The following EYA4 variants were observed in gnomAD, a reference collection of about 807,000 sequenced individuals.
The protein encoded by EYA4 is EYA transcriptional coactivator and phosphatase 4, also known as protein phosphatase EYA4.
Under a neutral mutation model 87.9 loss-of-function variants are expected in EYA4, and 31 were observed. The observed-to-expected ratio is 0.35, with a 90% confidence interval of 0.27 to 0.48. The LOEUF (loss-of-function observed/expected upper bound fraction) is 0.48. Ranked by LOEUF, EYA4 falls within the 20% of genes least tolerant of loss-of-function variation. EYA4 has a pLI of 0.99. For missense variants in EYA4, 678 were observed against 761.4 expected (o/e 0.89, Z 1.29); for synonymous variants, 263 against 270.6 (o/e 0.97, Z 0.28).
In EYA4 at chr6:133,376,321, A is replaced by G. The variant is rs568002921; in HGVS notation, c.34-6071A>G. Among the ~76,000 whole-genome samples the G allele has an allele frequency of 2.6e-5, 4 of 151,958 alleles. No individual in the cohort carries two copies. In the South Asian group the frequency reaches 8.3e-4, roughly 31 times the overall value. On this transcript the variant is annotated intron_variant, in intron 2 of 19. Transcript: ENST00000355286. ...TATATATTAATAAATTATTTATTACATAAACTTTCATTTGTGAAATTTTAA... is the reference window on the plus strand; with the variant it reads ...TATATATTAATAAATTATTTATTACGTAAACTTTCATTTGTGAAATTTTAA...
At chr6:133,515,472 T>C (rs761077119) in intron 17 of EYA4, 37 bp downstream of exon 17, 2 of 1,178,222 alleles carry the variant, frequency 1.7e-6, no homozygotes, top group Admixed American at 1.7e-5. Context: ...TGTATCGTAT[T>C]GAAGATTTAG....
intron 13 of EYA4, among the ~76,000 whole-genome samples, chr6:133,500,693 G>T (rs532299121): frequency 6.6e-6 from 1 of 152,060 alleles, no homozygotes; most frequent in Non-Finnish European, 1.5e-5. Context: ...CCCTGGTTCC[G>T]TGCTCCCTCA....
chr6:133,419,444 A>G (rs1022514852), intron 3 of EYA4, among the ~76,000 whole-genome samples: 1 of 152,190 alleles, frequency 6.6e-6, no homozygotes, highest in South Asian at 2.1e-4. Context: ...CATGATATAC[A>G]GCCTTTATGA....
intron 2 of EYA4, among the ~76,000 whole-genome samples, chr6:133,375,970 A>G (rs1785645445): frequency 6.6e-6 from 1 of 151,818 alleles, no homozygotes; most frequent in Admixed American, 6.6e-5. Flanking sequence ...GCATTCATAT[A>G]AGACTCTAGG....
chr6:133,424,287 C>A (rs1790458624), intron 3 of EYA4, among the ~76,000 whole-genome samples: 1 of 152,168 alleles, frequency 6.6e-6, no homozygotes, highest in Non-Finnish European at 1.5e-5. Context: ...CCAGAAGAGG[C>A]ACCAAGACTC....
Position 133,489,449 on chromosome 6 carries a change from G to A in EYA4, c.1191+6334G>A, listed in dbSNP as rs1230686017. On this transcript the variant is annotated intron_variant, in intron 13 of 19. Transcript: ENST00000355286. ...TTAACCCAAAAAAGACTATCTCAAA[G>A]CATTTGATAATCAAACCTCAAAGCC... Among the ~76,000 whole-genome samples the A allele has an allele frequency of 2.6e-5, 4 of 151,894 alleles. 1 individual carries two copies. Among genetic ancestry groups the A allele is most frequent in the African/African-American group, 9.7e-5 (4 of 41,348 alleles).
At chr6:133,358,871 A>C (rs999936741) in intron 2 of EYA4, among the ~76,000 whole-genome samples, 1 of 152,178 alleles carries the variant, frequency 6.6e-6, no homozygotes, top group Non-Finnish European at 1.5e-5. Flanking sequence ...GAAGAAACAG[A>C]GGGGAAAAAC....
chr6:133,328,539 A>C (rs1026126221), intron 2 of EYA4, among the ~76,000 whole-genome samples: 1 of 152,154 alleles, frequency 6.6e-6, no homozygotes, highest in Non-Finnish European at 1.5e-5. Flanking sequence ...AAATAACCTG[A>C]TTGATTTTAG....
intron 5 of EYA4, 119 bp from the exon 6 acceptor site, chr6:133,456,437 C>T: frequency 1.3e-6 from 1 of 782,320 alleles, no homozygotes; most frequent in Non-Finnish European, 2.3e-6. Flanking sequence ...CTCTCTTCAT[C>T]AACTTCTCAG....
At chr6:133,439,832 A>G (rs1792090466) in intron 3 of EYA4, among the ~76,000 whole-genome samples, 1 of 152,228 alleles carries the variant, frequency 6.6e-6, no homozygotes, top group African/African-American at 2.4e-5. Flanking sequence ...CATTGTTAGC[A>G]AAGAGTATCT....
chr6:133,480,177 T>C (rs530273518), intron 11 of EYA4, among the ~76,000 whole-genome samples: 1 of 152,274 alleles, frequency 6.6e-6, no homozygotes, highest in South Asian at 2.1e-4. Flanking sequence ...CAGGAGTCCA[T>C]GTTTTCTAGA....
At chr6:133,483,194 A>ATTCT in intron 13 of EYA4, 79 bp downstream of exon 13, 1 of 1,084,520 alleles carries the variant, frequency 9.2e-7, no homozygotes, top group Non-Finnish European at 1.4e-6. Context: ...CTATTTAAAA[A>ATTCT]TTCTTTTAAG....
At chr6:133,515,207 T>A in intron 16 of EYA4, 114 bp from the exon 17 acceptor site, 2 of 734,430 alleles carry the variant, frequency 2.7e-6, no homozygotes, top group Non-Finnish European at 5.0e-6. Context: ...TCTCTCTGCA[T>A]TTCTGATATA....
chr6:133,522,221 G>A lies in EYA4; in HGVS notation c.1617-835G>A, dbSNP rs536203260. 5.2e-3 allele frequency among the ~76,000 whole-genome samples: 720 copies of A among 138,044 alleles called. 4 individuals carry two copies. The highest frequency in any genetic ancestry group is 0.018 in the African/African-American group (678 of 37,612). 90.6% of individuals were successfully genotyped at this position (138,044 alleles called of 152,430 possible). A position where few individuals can be genotyped will look rare whatever the true frequency, so the allele number is the denominator to read the frequency against. On this transcript the variant is annotated intron_variant, in intron 17 of 19. Transcript: ENST00000355286. Reference sequence around the variant, plus strand: ...AAGTTCTAGGGTACATGTGCACAACGTGCAGGCTTGTTACATATGTATACG... The same window carrying A: ...AAGTTCTAGGGTACATGTGCACAACATGCAGGCTTGTTACATATGTATACG...
chr6:133,284,548 C>CA (rs1777878869), intron 2 of EYA4, among the ~76,000 whole-genome samples: 1 of 152,152 alleles, frequency 6.6e-6, no homozygotes, highest in Non-Finnish European at 1.5e-5. Context: ...TCAGCAAATT[C>CA]AATTAAGTAA....
intron 11 of EYA4, among the ~76,000 whole-genome samples, chr6:133,472,599 G>A (rs2128685029): frequency 2.6e-5 from 1 of 38,242 alleles, no homozygotes; most frequent in East Asian, 7.1e-4. Context: ...TTCTGTAGAT[G>A]TCTATTAGGT....
At chr6:133,271,751 A>C (rs565900119) in intron 1 of EYA4, among the ~76,000 whole-genome samples, 3 of 152,300 alleles carry the variant, frequency 2.0e-5, no homozygotes, top group Admixed American at 2.0e-4. Flanking sequence ...CACCATGGCC[A>C]CTTTGTTCAT....
intron 2 of EYA4, among the ~76,000 whole-genome samples, chr6:133,358,066 T>C (rs1381692303): frequency 6.6e-6 from 1 of 152,186 alleles, no homozygotes; most frequent in African/African-American, 2.4e-5. Flanking sequence ...AAACAAACCC[T>C]GAAGCGAACC....
intron 5 of EYA4, among the ~76,000 whole-genome samples, chr6:133,451,318 G>C (rs1448373935): frequency 6.6e-6 from 1 of 152,112 alleles, no homozygotes; most frequent in Non-Finnish European, 1.5e-5. Context: ...CAGGCCATGG[G>C]TCAGATTTGG....
Sources: allele counts gnomAD v4.1 joint callset (sites outside exome capture counted in the v4.1 genomes callset), GRCh38; gene constraint gnomAD v4.1.1; transcripts MANE v1.5; gene names NCBI Gene and HGNC (gene_info 2026-07-23, HGNC 2026-07-21).